Variants in MMP26 observed in about 807,000 individuals in gnomAD.
The protein encoded by MMP26 is matrix metalloproteinase-26.
In MMP26, 33 loss-of-function variants were observed where a neutral mutation model predicts 31.0. That is an observed-to-expected ratio of 1.06 (90% CI 0.81 to 1.42). MMP26 has a LOEUF of 1.42. Ranked by LOEUF, MMP26 falls within the 40% of genes most tolerant of loss-of-function variation. The pLI is 0.00. For synonymous variants in MMP26, 122 were observed against 114.9 expected, an observed-to-expected ratio of 1.06 and a Z score of -0.40; for missense variants, 347 against 316.1, an observed-to-expected ratio of 1.10 and a Z score of -0.74.
chr11:4,753,039 A>C (rs1255214460), intron 1 of MMP26: 2 of 152,076 alleles, frequency 1.3e-5, no homozygotes, highest in African/African-American at 4.8e-5. Flanking sequence ...GGAATTTTTA[A>C]ATTATTTTAG....
At chr11:4,729,172 C>T (rs1227835912) in intron 1 of MMP26, among the ~76,000 whole-genome samples, 1 of 151,754 alleles carries the variant, frequency 6.6e-6, no homozygotes, top group African/African-American at 2.4e-5. Context: ...AAGCATCTTC[C>T]TAGTTCATAT....
At position 4,986,922 on chromosome 11, in the gene MMP26, TCTCTCTCTCC is replaced by T. The variant is rs1424498067; in HGVS notation, c.-144-1136_-144-1127del. 7.8e-3 allele frequency among the ~76,000 whole-genome samples: 854 copies of T among 109,756 alleles called. 24 individuals are homozygous for T. Among genetic ancestry groups the T allele is most frequent in the African/African-American group, 0.027 (794 of 29,348 alleles). 72.0% of individuals were successfully genotyped at this position (109,756 alleles called of 152,430 possible). On this transcript the variant is annotated intron_variant, in intron 2 of 7. Transcript: ENST00000380390. ...TCCTTCCTTTCTCTCTCTCTCTCTCTCTCTCTCTCCCTCTCTCTCTCTCTCTCTCTCTCTC... is the reference window on the plus strand; with the variant it reads ...TCCTTCCTTTCTCTCTCTCTCTCTCTCTCTCTCTCTCTCTCTCTCTCTCTC...
At chr11:4,862,631 T>C (rs1589922964) in intron 2 of MMP26, among the ~76,000 whole-genome samples, 1 of 152,178 alleles carries the variant, frequency 6.6e-6, no homozygotes, top group East Asian at 1.9e-4. Context: ...AGAACTGGTC[T>C]GGGAGCTCTG....
chr11:4,720,781 C>A (rs1191671704), intron 1 of MMP26, among the ~76,000 whole-genome samples: 7 of 152,170 alleles, frequency 4.6e-5, no homozygotes. Flanking sequence ...GCCAACCTTG[C>A]AGGAAAGGGG....
chr11:4,773,277 A>T (rs541991897), intron 2 of MMP26, among the ~76,000 whole-genome samples: 42 of 152,286 alleles, frequency 2.8e-4, no homozygotes, highest in African/African-American at 8.7e-4. Context: ...ATCATCACAT[A>T]TATGTCATAT....
At chr11:4,718,093 A>G (rs982348917) in intron 1 of MMP26, among the ~76,000 whole-genome samples, 7 of 152,184 alleles carry the variant, frequency 4.6e-5, no homozygotes, top group African/African-American at 1.7e-4. Flanking sequence ...CACACTGCAG[A>G]TAGTAGGGGA....
intron 2 of MMP26, among the ~76,000 whole-genome samples, chr11:4,830,585 G>A (rs191417981): frequency 3.8e-4 from 58 of 152,298 alleles, no homozygotes; most frequent in Non-Finnish European, 6.3e-4. Context: ...GGCTCATTTC[G>A]AGGGGATTCA....
intron 2 of MMP26, among the ~76,000 whole-genome samples, chr11:4,856,188 A>T (rs943925124): frequency 2.0e-5 from 3 of 152,240 alleles, no homozygotes; most frequent in Middle Eastern, 3.2e-3. Context: ...ACCAGCTAAC[A>T]TCATAATGAC....
At chr11:4,850,990 A>C in intron 2 of MMP26, among the ~76,000 whole-genome samples, 1 of 152,174 alleles carries the variant, frequency 6.6e-6, no homozygotes, top group Non-Finnish European at 1.5e-5. Flanking sequence ...GACTTTTAAA[A>C]AGCAATAAAT....
At chr11:4,852,004 T>C (rs1849982421) in intron 2 of MMP26, among the ~76,000 whole-genome samples, 1 of 152,222 alleles carries the variant, frequency 6.6e-6, no homozygotes, top group Non-Finnish European at 1.5e-5. Flanking sequence ...CACATTGTTA[T>C]GTAGAATAGA....
Position 4,742,397 on chromosome 11 carries a change from G to A in MMP26, c.-216-24873G>A, listed in dbSNP as rs76920866. On this transcript the variant is annotated intron_variant, in intron 1 of 7. Coordinates refer to ENST00000380390, the MANE Select transcript of MMP26 (RefSeq NM_021801.5). ...TCCAGCAAATAATGGTGTCTAGACTGAGACCTAAGTTCCAAGTATAGTTGG... is the reference window on the plus strand; with the variant it reads ...TCCAGCAAATAATGGTGTCTAGACTAAGACCTAAGTTCCAAGTATAGTTGG... Among the ~76,000 whole-genome samples the A allele has an allele frequency of 4.6e-5, 7 of 152,296 alleles. No individual in the cohort carries two copies. In the East Asian group the frequency reaches 1.4e-3, roughly 29 times the overall value.
rs1846894656 is a variant in MMP26, at chr11:4,986,678, C to T, written c.-144-1390C>T. ...CCCAAGTAGCTGGGATTACAGGGGC[C>T]TGTCACCATGCTGGGCTAATTTTTT... On this transcript the variant is annotated intron_variant, in intron 2 of 7. Transcript: ENST00000380390. 7.3e-5 allele frequency among the ~76,000 whole-genome samples: 11 copies of T among 151,318 alleles called. No homozygotes were observed. The South Asian group carries it at 2.3e-3, about 32-fold the overall frequency.
At chr11:4,723,727 C>T (rs939105777) in intron 1 of MMP26, 38 of 1,174,506 alleles carry the variant, frequency 3.2e-5, no homozygotes, top group Admixed American at 2.2e-4. Context: ...GTCCAGTTGC[C>T]GCCTAAGGTT....
At chr11:4,796,670 A>G (rs1417672157) in intron 2 of MMP26, among the ~76,000 whole-genome samples, 1 of 152,150 alleles carries the variant, frequency 6.6e-6, no homozygotes, top group Non-Finnish European at 1.5e-5. Context: ...AGAAGAGAGG[A>G]AATAGAGACA....
chr11:4,821,496 C>T (rs1296586247), intron 2 of MMP26: 1 of 1,612,412 alleles, frequency 6.2e-7, no homozygotes, highest in South Asian at 1.1e-5. Context: ...TGAAAGCCAC[C>T]CAGTACTGGA....
intron 2 of MMP26, among the ~76,000 whole-genome samples, chr11:4,893,899 A>T (rs1850664266): frequency 1.3e-5 from 2 of 152,074 alleles, no homozygotes; most frequent in Admixed American, 1.3e-4. Context: ...CAGGGATTTG[A>T]GACTAGCCTG....
At chr11:4,850,509 A>T (rs1362781970) in intron 2 of MMP26, among the ~76,000 whole-genome samples, 1 of 152,190 alleles carries the variant, frequency 6.6e-6, no homozygotes, top group African/African-American at 2.4e-5. Flanking sequence ...GACTGGACAC[A>T]CACCATAGTC....
chr11:4,778,001 T>G (rs770244278), intron 2 of MMP26, among the ~76,000 whole-genome samples: 2 of 152,086 alleles, frequency 1.3e-5, no homozygotes, highest in Non-Finnish European at 2.9e-5. Flanking sequence ...TGAGTAGGTT[T>G]TTGTTTGGCT....
intron 1 of MMP26, chr11:4,722,829 C>T (rs1848033642): frequency 1.1e-6 from 1 of 919,022 alleles, no homozygotes; most frequent in Admixed American, 1.7e-5. Flanking sequence ...GCTGGTGTGG[C>T]TGAAGGAGCT....
Sources: allele counts gnomAD v4.1 joint callset (sites outside exome capture counted in the v4.1 genomes callset), GRCh38; gene constraint gnomAD v4.1.1; transcripts MANE v1.5; gene names NCBI Gene and HGNC (gene_info 2026-07-23, HGNC 2026-07-21).